Variants in IGLL5 observed in about 807,000 individuals in gnomAD.
IGLL5 encodes the protein immunoglobulin lambda-like polypeptide 5.
In IGLL5, 30 loss-of-function variants were observed where a neutral mutation model predicts 20.9. That is an observed-to-expected ratio of 1.44 (90% CI 1.07 to 1.95). IGLL5 has a LOEUF of 1.95. Ranked by LOEUF, IGLL5 falls within the 30% of genes most tolerant of loss-of-function variation. IGLL5 has a pLI of 0.00. For missense variants in IGLL5, 475 were observed against 270.7 expected (o/e 1.75, Z -5.30); for synonymous variants, 203 against 117.3 (o/e 1.73, Z -4.72).
intron 2 of IGLL5, among the ~76,000 whole-genome samples, 184 bp downstream of exon 2, chr22:22,894,002 G>T (rs1055165308): frequency 2.0e-5 from 3 of 151,520 alleles, no homozygotes; most frequent in South Asian, 4.2e-4. Flanking sequence ...GGCCTCCACA[G>T]TGGGAGCAGC....
intron 1 of IGLL5, among the ~76,000 whole-genome samples, chr22:22,888,786 A>G (rs2067646572): frequency 3.3e-5 from 5 of 151,358 alleles, no homozygotes; most frequent in Middle Eastern, 3.7e-3. Context: ...GGACACAGGG[A>G]GGGTGGGATG....
At chr22:22,888,975 A>T (rs548464806) in intron 1 of IGLL5, among the ~76,000 whole-genome samples, 2 of 151,302 alleles carry the variant, frequency 1.3e-5, no homozygotes, top group Admixed American at 6.6e-5. Flanking sequence ...AGAGCACAGG[A>T]TGAGGCTGGG....
In IGLL5 at chr22:22,889,558, G is replaced by C. The variant is rs569157817; in HGVS notation, c.206+1299G>C. On this transcript the variant is annotated intron_variant, in intron 1 of 2. Transcript: ENST00000526893. Reference sequence around the variant, plus strand: ...AAAAATCCAAATATCTACCAGAAAGGGTGTGAAAAAACACAATTGTATTTG... The same window carrying C: ...AAAAATCCAAATATCTACCAGAAAGCGTGTGAAAAAACACAATTGTATTTG... Among the ~76,000 whole-genome samples the C allele has an allele frequency of 1.2e-4, 18 of 151,200 alleles. 1 individual carries two copies. The South Asian group carries it at 3.2e-3, about 27-fold the overall frequency.
intron 1 of IGLL5, among the ~76,000 whole-genome samples, chr22:22,890,097 C>T (rs2146003505): frequency 6.7e-6 from 1 of 148,746 alleles, no homozygotes; most frequent in East Asian, 2.1e-4. Context: ...TACTCATGTG[C>T]ATTACTCTTT....
intron 2 of IGLL5, among the ~76,000 whole-genome samples, chr22:22,894,860 C>T (rs1352047806): frequency 6.6e-6 from 1 of 151,380 alleles, no homozygotes; most frequent in Non-Finnish European, 1.5e-5. Flanking sequence ...TGGGGCAGAG[C>T]CCGGTGCCTG....
chr22:22,888,228 A>C lies in IGLL5; in HGVS notation c.175A>C (p.Ser59Arg), dbSNP rs552295669. ...AGACCCTGGAGCCTCAGTTGGAAGC[A>C]GCCGATCCAGCCTGCGGAGCCTGTG... ...DPDPGASVGS[S>R]RSSLRSLWGR... Residue 59 changes from serine (S) to arginine (R), a missense_variant, in exon 1 of 3, where the codon AGC becomes CGC. Physicochemically the swap from Ser to Arg is moderately radical, Grantham distance 110. Coordinates refer to ENST00000526893, the MANE Select transcript of IGLL5 (RefSeq NM_001178126.2). 2 of 1,548,098 alleles carry C rather than the reference A, an allele frequency of 1.3e-6. No individual in the cohort carries two copies. Among genetic ancestry groups the C allele is most frequent in the African/African-American group, 1.4e-5 (1 of 72,862 alleles).
At chr22:22,893,181 C>A (rs1001171010) in intron 1 of IGLL5, among the ~76,000 whole-genome samples, 1 of 151,070 alleles carries the variant, frequency 6.6e-6, no homozygotes, top group African/African-American at 2.4e-5. Flanking sequence ...AACAGATGAA[C>A]AGATGAATAG....
intron 2 of IGLL5, among the ~76,000 whole-genome samples, chr22:22,894,702 G>C (rs2066685000): frequency 1.3e-5 from 2 of 151,470 alleles, no homozygotes; most frequent in East Asian, 2.0e-4. Flanking sequence ...GAGTCTCATA[G>C]TCTGTGGGAG....
intron 1 of IGLL5, among the ~76,000 whole-genome samples, chr22:22,889,292 G>T (rs2067704905): frequency 6.6e-6 from 1 of 151,122 alleles, no homozygotes; most frequent in East Asian, 2.0e-4. Context: ...GCATGAAGTT[G>T]AAGTGAGGGC....
At chr22:22,890,036 T>A (rs185231742) in intron 1 of IGLL5, among the ~76,000 whole-genome samples, 1 of 151,102 alleles carries the variant, frequency 6.6e-6, no homozygotes, top group Admixed American at 6.6e-5. Flanking sequence ...TGTGAAGTTG[T>A]TCACAAAAAG....
Position 22,888,267 on chromosome 22 carries a change from G to T in IGLL5, c.206+8G>T. On this transcript the variant is annotated splice_region_variant and intron_variant, in intron 1 of 2. Coordinates refer to ENST00000526893, the MANE Select transcript of IGLL5 (RefSeq NM_001178126.2). The stretch of plus-strand genomic sequence containing the variant: ...GCGGAGCCTGTGGGGCAGGTAAGGG[G>T]CAAGAGATTCCAGGGGATGTGGGGG... The T allele has an allele frequency of 6.5e-7, 1 of 1,546,746 alleles. No individual in the cohort carries two copies. The highest frequency in any genetic ancestry group is 8.7e-7 in the Non-Finnish European group (1 of 1,146,000).
chr22:22,894,802 T>C (rs2066698106), intron 2 of IGLL5, among the ~76,000 whole-genome samples: 1 of 151,032 alleles, frequency 6.6e-6, no homozygotes, highest in African/African-American at 2.4e-5. Flanking sequence ...CCCTGAGGCT[T>C]GTCTAGGTGG....
intron 1 of IGLL5, among the ~76,000 whole-genome samples, chr22:22,890,291 G>C (rs2067789765): frequency 6.8e-6 from 1 of 146,008 alleles, no homozygotes; most frequent in South Asian, 2.3e-4. Flanking sequence ...AACTTTTCCT[G>C]TGTGTGTGTG....
rs554492007 is a variant in IGLL5 at position 22,888,191 on chromosome 22, A to C, written c.138A>C (p.Gln46His). Residue 46 changes from glutamine (Q) to histidine (H), a missense_variant, in exon 1 of 3, where the codon CAA becomes CAC. By Grantham distance (24) the Gln-to-His change is conservative. Coordinates refer to ENST00000526893, the MANE Select transcript of IGLL5 (RefSeq NM_001178126.2). ...TGCTGCGCCCAATGGTTGCACCGCAAAGCGGGGACCCAGACCCTGGAGCCT... is the reference window on the plus strand; with the variant it reads ...TGCTGCGCCCAATGGTTGCACCGCACAGCGGGGACCCAGACCCTGGAGCCT... ...HGLLRPMVAPQSGDPDPGASV... is the reference protein window; with the variant it reads ...HGLLRPMVAPHSGDPDPGASV... 5 of 1,548,798 alleles carry C rather than the reference A, an allele frequency of 3.2e-6. No homozygotes were observed. Among genetic ancestry groups the C allele is most frequent in the Admixed American group, 2.0e-5 (1 of 50,802 alleles).
intron 2 of IGLL5, among the ~76,000 whole-genome samples, chr22:22,894,454 G>GACAGGCACCAGAGGCCAACCCTCCCAA: frequency 6.6e-6 from 1 of 151,480 alleles, no homozygotes; most frequent in Admixed American, 6.6e-5. Context: ...AACCCTCCCA[G>GACAGGCACCAGAGGCCAACCCTCCCAA]GACAGTCACC....
rs3029157 is a variant in IGLL5 at position 22,890,553 on chromosome 22, TTGTGTGTGTGTGTG to T, written c.206+2328_206+2341del. 6.1e-3 allele frequency among the ~76,000 whole-genome samples: 732 copies of T among 120,972 alleles called. 8 individuals carry two copies. Among genetic ancestry groups the T allele is most frequent in the African/African-American group, 0.018 (590 of 32,970 alleles). 79.4% of individuals were successfully genotyped at this position (120,972 alleles called of 152,430 possible). A position where few individuals can be genotyped will look rare whatever the true frequency, so the allele number is the denominator to read the frequency against. On this transcript the variant is annotated intron_variant, in intron 1 of 2. Coordinates refer to ENST00000526893, the MANE Select transcript of IGLL5 (RefSeq NM_001178126.2). ...TGACAAATGATGCTGCAGTGGAAAT[TTGTGTGTGTGTGTG>T]TGTGTGTGTGTGTGTGTGTGTGTGT...
intron 1 of IGLL5, among the ~76,000 whole-genome samples, chr22:22,889,089 A>G (rs1601606163): frequency 6.6e-6 from 1 of 151,342 alleles, no homozygotes; most frequent in Admixed American, 6.6e-5. Flanking sequence ...ATTGATTATC[A>G]GAGTCAGATT....
At chr22:22,888,513 G>T (rs912938954) in intron 1 of IGLL5, among the ~76,000 whole-genome samples, 1 of 151,330 alleles carries the variant, frequency 6.6e-6, no homozygotes, top group South Asian at 2.1e-4. Flanking sequence ...TTTCACCAGG[G>T]TCAGTGCCTC....
At chr22:22,892,624 T>C (rs2067884317) in intron 1 of IGLL5, among the ~76,000 whole-genome samples, 1 of 150,884 alleles carries the variant, frequency 6.6e-6, no homozygotes, top group African/African-American at 2.4e-5. Context: ...AGTTTAGTTG[T>C]GATCTGTTGA....
Sources: allele counts gnomAD v4.1 joint callset (sites outside exome capture counted in the v4.1 genomes callset), GRCh38; gene constraint gnomAD v4.1.1; transcripts MANE v1.5; gene names NCBI Gene and HGNC (gene_info 2026-07-23, HGNC 2026-07-21).